The following MPP1 variants were observed in gnomAD, a reference collection of about 807,000 sequenced individuals.
The protein encoded by MPP1 is 55 kDa erythrocyte membrane protein.
A neutral mutation model predicts 38.2 loss-of-function variants in MPP1; 6 were observed. That is an observed-to-expected ratio of 0.16 (90% CI 0.09 to 0.31). The LOEUF is 0.31. Ranked by LOEUF, MPP1 falls within the 10% of genes least tolerant of loss-of-function variation. The pLI is 1.00. For missense variants in MPP1, 293 were observed against 368.9 expected, an observed-to-expected ratio of 0.79 and a Z score of 1.69; for synonymous variants, 153 against 146.3, an observed-to-expected ratio of 1.05 and a Z score of -0.33.
chrX:154,779,057 T>G lies in MPP1; in HGVS notation c.*120A>C. On this transcript the variant is annotated 3_prime_UTR_variant, in exon 12 of 12. Coordinates refer to ENST00000369534, the MANE Select transcript of MPP1 (RefSeq NM_002436.4). The stretch of plus-strand genomic sequence containing the variant: ...ACCTTACTGGCTGAATTAGGATAGC[T>G]GCAGAGAGCTGGAAGCTGACACAAA... 1.5e-6 allele frequency: 1 copy of G among 645,313 alleles called. No homozygotes were observed. The highest frequency in any genetic ancestry group is 2.3e-6 in the Non-Finnish European group (1 of 429,921). 53.2% of individuals were successfully genotyped at this position (645,313 alleles called of 1,213,427 possible). A position where few individuals can be genotyped will look rare whatever the true frequency, so the allele number is the denominator to read the frequency against.
At chrX:154,796,967 G>A (rs1406021979) in intron 1 of MPP1, among the ~76,000 whole-genome samples, 2 of 111,907 alleles carry the variant, frequency 1.8e-5, no homozygotes, top group Admixed American at 1.9e-4. Flanking sequence ...AGGATCATTT[G>A]AGCCCAGGAG....
intron 1 of MPP1, among the ~76,000 whole-genome samples, chrX:154,799,436 C>G (rs1380372285): frequency 1.8e-5 from 2 of 112,263 alleles, no homozygotes; most frequent in Non-Finnish European, 3.8e-5. Context: ...TACAGAACTC[C>G]TTCAACTAGT....
chrX:154,780,650 A>G (rs1456598260), intron 11 of MPP1, among the ~76,000 whole-genome samples: 1 of 111,345 alleles, frequency 9.0e-6, no homozygotes, highest in Admixed American at 9.3e-5. Context: ...ATATATTTGC[A>G]CACATGTGCT....
chrX:154,780,592 T>C (rs1394545819), intron 11 of MPP1, among the ~76,000 whole-genome samples: 1 of 111,260 alleles, frequency 9.0e-6, no homozygotes, highest in South Asian at 3.6e-4. Context: ...AAATTCTAAG[T>C]GTGTGTGCTC....
intron 5 of MPP1, among the ~76,000 whole-genome samples, chrX:154,787,664 G>A (rs1427661196): frequency 2.7e-5 from 3 of 111,739 alleles, no homozygotes; most frequent in African/African-American, 9.8e-5. Flanking sequence ...AAGGACATGG[G>A]TCTTGCTATG....
rs1360838109 is a variant in MPP1, at chrX:154,798,836, G to A, written c.102+6436C>T. Among the ~76,000 whole-genome samples, 3 of 111,586 alleles carry A rather than the reference G, an allele frequency of 2.7e-5. No homozygotes were observed. The East Asian group carries it at 8.3e-4, about 31-fold the overall frequency. On this transcript the variant is annotated intron_variant, in intron 1 of 11. Transcript: ENST00000369534. Reference sequence around the variant, plus strand: ...CACAACTTCCGCCTCCTGGATTCAAGCGATTCTCCTGCCTCAGCCTCCCGA... The same window carrying A: ...CACAACTTCCGCCTCCTGGATTCAAACGATTCTCCTGCCTCAGCCTCCCGA...
intron 1 of MPP1, among the ~76,000 whole-genome samples, chrX:154,795,258 T>C (rs1557268058): frequency 8.9e-6 from 1 of 112,180 alleles, no homozygotes; most frequent in African/African-American, 3.2e-5. Flanking sequence ...CCAAGTCATA[T>C]GGCATTGCTG....
intron 9 of MPP1, chrX:154,782,076 A>C (rs1022073528): frequency 3.5e-6 from 1 of 286,635 alleles, no homozygotes; most frequent in African/African-American, 2.7e-5. Context: ...TACATCTCTC[A>C]AACTACCAAA....
At chrX:154,799,978 G>A in intron 1 of MPP1, 1 of 805,686 alleles carries the variant, frequency 1.2e-6, no homozygotes, top group South Asian at 2.8e-5. Context: ...ACTGAAGTTG[G>A]CTTTCTAATC....
chrX:154,790,338 C>A (rs1211498252), intron 4 of MPP1, among the ~76,000 whole-genome samples: 1 of 110,526 alleles, frequency 9.0e-6, no homozygotes, highest in Non-Finnish European at 1.9e-5. Flanking sequence ...TCAAGACTAG[C>A]CTGGCCAACA....
At chrX:154,798,797 C>T (rs782193668) in intron 1 of MPP1, among the ~76,000 whole-genome samples, 26 of 111,477 alleles carry the variant, frequency 2.3e-4, no homozygotes, top group Non-Finnish European at 4.7e-4. Flanking sequence ...TGCAATGGCA[C>T]GATCTCGGCT....
At chrX:154,782,907 A>G (rs1480524432) in intron 9 of MPP1, 1 of 112,433 alleles carries the variant, frequency 8.9e-6, no homozygotes, top group Non-Finnish European at 1.9e-5. Context: ...ATGCAGCATC[A>G]CTTCTGGGAA....
At chrX:154,798,787 T>G (rs1438371061) in intron 1 of MPP1, among the ~76,000 whole-genome samples, 1 of 111,462 alleles carries the variant, frequency 9.0e-6, no homozygotes, top group Non-Finnish European at 1.9e-5. Context: ...CAGGCTGGAG[T>G]GCAATGGCAC....
At chrX:154,801,676 T>A (rs1557268690) in intron 1 of MPP1, among the ~76,000 whole-genome samples, 1 of 96,876 alleles carries the variant, frequency 1.0e-5, no homozygotes, top group Non-Finnish European at 2.0e-5. Context: ...GGAGAATCGC[T>A]TGAACCTAGG....
chrX:154,804,554 C>A (rs2077503548), intron 1 of MPP1: 4 of 268,581 alleles, frequency 1.5e-5, no homozygotes, highest in Non-Finnish European at 2.9e-5. Context: ...AGTAAGTGAG[C>A]CGTGTCCCCA....
chrX:154,801,004 C>A (rs1172955291), intron 1 of MPP1, among the ~76,000 whole-genome samples: 1 of 112,553 alleles, frequency 8.9e-6, no homozygotes, highest in Non-Finnish European at 1.9e-5. Context: ...CCTCCTCTGG[C>A]GTCACTTCCC....
chrX:154,790,796 G>C (rs1309821780), intron 4 of MPP1, among the ~76,000 whole-genome samples, 187 bp downstream of exon 4: 1 of 111,854 alleles, frequency 8.9e-6, no homozygotes, highest in Non-Finnish European at 1.9e-5. Flanking sequence ...TATTTGCCCT[G>C]CTTTAGAATT....
At chrX:154,805,103 C>T (rs781956276) in intron 1 of MPP1, among the ~76,000 whole-genome samples, 169 bp downstream of exon 1, 1 of 113,129 alleles carries the variant, frequency 8.8e-6, no homozygotes, top group East Asian at 2.8e-4. Flanking sequence ...GGTACGAACC[C>T]GGCCGCGCGC....
intron 1 of MPP1, among the ~76,000 whole-genome samples, chrX:154,797,790 T>C (rs1487515745): frequency 8.9e-6 from 1 of 111,967 alleles, no homozygotes; most frequent in Non-Finnish European, 1.9e-5. Context: ...AATGAAAAAC[T>C]CTTGTTCTGT....
Sources: gnomAD v4.1 joint callset for allele counts (sites outside exome capture counted in the v4.1 genomes callset) on GRCh38, gnomAD v4.1.1 for gene constraint, MANE v1.5 for transcripts, NCBI Gene and HGNC (gene_info 2026-07-23, HGNC 2026-07-21) for gene names.